The following ARHGAP40 variants were observed in gnomAD, a reference collection of about 807,000 sequenced individuals.
ARHGAP40 encodes rho GTPase-activating protein 40.
In ARHGAP40, 43 loss-of-function variants were observed where a neutral mutation model predicts 73.5. The observed-to-expected ratio is 0.58, with a 90% confidence interval of 0.46 to 0.75. The LOEUF (loss-of-function observed/expected upper bound fraction) is 0.75. Ranked by LOEUF, ARHGAP40 falls within the 30% of genes least tolerant of loss-of-function variation. The pLI is 0.00. For missense variants in ARHGAP40, 734 were observed against 861.8 expected (o/e 0.85, Z 1.86); for synonymous variants, 300 against 352.8 (o/e 0.85, Z 1.68).
intron 1 of ARHGAP40, chr20:38,615,015 TC>T: frequency 8.6e-7 from 1 of 1,160,900 alleles, no homozygotes; most frequent in Non-Finnish European, 1.3e-6. Context: ...GGGGTTGATC[TC>T]CATCAAGGTC....
chr20:38,626,873 G>A (rs1260210652), intron 2 of ARHGAP40, 122 bp from the exon 3 acceptor site: 4 of 704,114 alleles, frequency 5.7e-6, no homozygotes, highest in African/African-American at 1.9e-5. Context: ...TAGGTCTCAC[G>A]ATCAGATATG....
At chr20:38,628,378 C>T (rs2088916117) in intron 3 of ARHGAP40, among the ~76,000 whole-genome samples, 1 of 151,806 alleles carries the variant, frequency 6.6e-6, no homozygotes, top group Non-Finnish European at 1.5e-5. Flanking sequence ...CATCTCGACT[C>T]ACTGCAAGCT....
intron 1 of ARHGAP40, among the ~76,000 whole-genome samples, chr20:38,610,391 G>A (rs898848554): frequency 7.9e-5 from 12 of 152,260 alleles, no homozygotes; most frequent in African/African-American, 2.9e-4. Context: ...GTGGAACCAA[G>A]GTGTGAATGG....
exon 15 of ARHGAP40, chr20:38,650,469 G>A (rs548556841): frequency 6.4e-6 from 3 of 470,680 alleles, no homozygotes; most frequent in East Asian, 1.4e-4. Context: ...GAGGGGCTAG[G>A]GCCTCAGGGA....
At chr20:38,615,634 A>C (rs1407410834) in intron 1 of ARHGAP40, among the ~76,000 whole-genome samples, 1 of 152,040 alleles carries the variant, frequency 6.6e-6, no homozygotes. Context: ...TCAGAACCGG[A>C]TGTGTCTCTT....
chr20:38,633,932 G>A (rs2088957297), intron 5 of ARHGAP40, among the ~76,000 whole-genome samples: 1 of 152,198 alleles, frequency 6.6e-6, no homozygotes, highest in Non-Finnish European at 1.5e-5. Context: ...CCCATGGGGT[G>A]ATCCCTCTTC....
chr20:38,636,106 G>C (rs1249360853), intron 6 of ARHGAP40, among the ~76,000 whole-genome samples: 1 of 152,174 alleles, frequency 6.6e-6, no homozygotes. Context: ...ACATGGCCTA[G>C]CAAGGGGTGA....
At chr20:38,601,876 A>G (rs1157241962) in exon 1 of ARHGAP40, 8 of 1,284,282 alleles carry the variant, frequency 6.2e-6, no homozygotes, top group South Asian at 5.0e-5. Context: ...TCCCTCTCAC[A>G]TTGCCGATCG....
chr20:38,623,548 G>C, exon 2 of ARHGAP40: 1 of 1,289,592 alleles, frequency 7.8e-7, no homozygotes, highest in South Asian at 1.2e-5. Context: ...ATGAAGGCCA[G>C]CTTCCAGAGG....
At chr20:38,638,533 A>G (rs2088992477) in intron 7 of ARHGAP40, among the ~76,000 whole-genome samples, 1 of 152,152 alleles carries the variant, frequency 6.6e-6, no homozygotes, top group African/African-American at 2.4e-5. Flanking sequence ...GTAAATTGGG[A>G]TGATGATAAC....
intron 2 of ARHGAP40, 92 bp from the exon 3 acceptor site, chr20:38,626,903 G>A: frequency 1.0e-6 from 1 of 1,003,114 alleles, no homozygotes; most frequent in Non-Finnish European, 1.4e-6. Flanking sequence ...CTGTGTCCAG[G>A]TGAGTGTGTG....
chr20:38,608,439 G>T (rs942592104), intron 1 of ARHGAP40, among the ~76,000 whole-genome samples: 2 of 152,134 alleles, frequency 1.3e-5, no homozygotes, highest in African/African-American at 4.8e-5. Flanking sequence ...ACTGTTGGCT[G>T]CTGGCTGCTC....
At chr20:38,631,181 G>T (rs937240769) in intron 5 of ARHGAP40, among the ~76,000 whole-genome samples, 2 of 151,952 alleles carry the variant, frequency 1.3e-5, no homozygotes, top group African/African-American at 4.8e-5. Flanking sequence ...GTGTGATGGT[G>T]CAGGCCTGTA....
chr20:38,602,991 G>A (rs1225660812), intron 1 of ARHGAP40, among the ~76,000 whole-genome samples: 2 of 152,118 alleles, frequency 1.3e-5, no homozygotes, highest in African/African-American at 4.8e-5. Context: ...GACTTGCATG[G>A]GTAAAATTCA....
chr20:38,627,343 GGTGTTGGTATGT>G (rs2088904561), intron 3 of ARHGAP40, 128 bp downstream of exon 3: 1 of 658,886 alleles, frequency 1.5e-6, no homozygotes, highest in South Asian at 1.8e-5. Context: ...TTGGTGTGTG[GGTGTTGGTATGT>G]GTGTTGGTGT....
intron 1 of ARHGAP40, among the ~76,000 whole-genome samples, chr20:38,614,443 T>C (rs868402424): frequency 3.3e-5 from 5 of 152,126 alleles, no homozygotes; most frequent in Non-Finnish European, 7.3e-5. Flanking sequence ...AGCTGCACCA[T>C]CTACCATCCT....
chr20:38,615,607 C>T (rs1297869239), intron 1 of ARHGAP40: 2 of 464,082 alleles, frequency 4.3e-6, no homozygotes, highest in Non-Finnish European at 7.9e-6. Context: ...AATTTCTATC[C>T]TTTATTGATT....
In ARHGAP40 at chr20:38,646,071, G is replaced by T; in HGVS notation, c.1594G>T (p.Val532Leu). 1 of 1,304,142 alleles carries T rather than the reference G, an allele frequency of 7.7e-7. No homozygotes were observed. Among genetic ancestry groups the T allele is most frequent in the Non-Finnish European group, 1.0e-6 (1 of 988,790 alleles). 80.8% of individuals were successfully genotyped at this position (1,304,142 alleles called of 1,614,324 possible). ...GGTCGCCTCTTTCCTGGTCGCCCAG[G>T]TGCGAAAACTGAACGACAGTAGCAG... is the stretch of plus-strand genomic sequence containing the variant. Residue 532 changes from valine (V) to leucine (L), a missense_variant, in exon 12 of 15, where the codon GTG (valine) becomes TTG (leucine). Coordinates refer to ENST00000373345, the Ensembl canonical transcript of ARHGAP40. The surrounding 1 kb of genome is among the most constrained non-coding windows in gnomAD (Gnocchi z 4.5).
At chr20:38,627,837 G>A (rs1410935962) in intron 3 of ARHGAP40, among the ~76,000 whole-genome samples, 2 of 152,144 alleles carry the variant, frequency 1.3e-5, no homozygotes, top group Non-Finnish European at 2.9e-5. Context: ...CCTTGGGTGA[G>A]CCTGAAAGCC....
Sources: gnomAD v4.1 joint callset for allele counts (sites outside exome capture counted in the v4.1 genomes callset) on GRCh38, gnomAD v4.1.1 for gene constraint, Gnocchi (gnomAD v3.1) non-coding constraint, MANE v1.5 for transcripts, NCBI Gene and HGNC (gene_info 2026-07-23, HGNC 2026-07-21) for gene names.